Variants in SORCS1 observed in about 807,000 individuals in gnomAD.
SORCS1 encodes the protein VPS10 domain-containing receptor SorCS1.
SORCS1 carries 60 observed loss-of-function variants against 146.1 expected under a neutral mutation model. The ratio of observed to expected loss-of-function variants is 0.41; its 90% CI spans 0.33 to 0.51. SORCS1 has a LOEUF of 0.51. SORCS1 is among the 20% of genes least tolerant of loss of function. The pLI, the probability that SORCS1 is intolerant of heterozygous loss-of-function variation, is 0.21. For synonymous variants in SORCS1, 637 were observed against 584.0 expected (o/e 1.09, Z -1.31); for missense variants, 1,352 against 1,487.6 (o/e 0.91, Z 1.50).
At chr10:106,832,493 G>T (rs991400187) in intron 2 of SORCS1, among the ~76,000 whole-genome samples, 49 of 151,950 alleles carry the variant, frequency 3.2e-4, no homozygotes, top group African/African-American at 1.2e-3. Flanking sequence ...CCGGCCCCTA[G>T]TCCACTCTTG....
chr10:106,782,412 T>C (rs1007777520), intron 3 of SORCS1, among the ~76,000 whole-genome samples: 1 of 152,176 alleles, frequency 6.6e-6, no homozygotes. Context: ...TGAGCCACCA[T>C]GTAAGGCTGG....
intron 8 of SORCS1, among the ~76,000 whole-genome samples, chr10:106,703,520 T>C (rs1854283844): frequency 6.6e-6 from 1 of 152,236 alleles, no homozygotes; most frequent in Non-Finnish European, 1.5e-5. Flanking sequence ...GGCCACATGC[T>C]CTTAATGGCA....
At chr10:106,824,293 C>CA (rs71025559) in intron 3 of SORCS1, among the ~76,000 whole-genome samples, 3,942 of 104,628 alleles carry the variant, frequency 0.038, 73 homozygotes, top group South Asian at 0.081. Context: ...GACTCTATCT[C>CA]AAAAAAAAAA....
Position 106,960,705 on chromosome 10 carries a change from C to T in SORCS1, c.559-4125G>A, listed in dbSNP as rs1290147450. Among the ~76,000 whole-genome samples the T allele has an allele frequency of 6.6e-6, 1 of 152,084 alleles. No individual in the cohort carries two copies. Among genetic ancestry groups the T allele is most frequent in the Non-Finnish European group, 1.5e-5 (1 of 68,004 alleles). On this transcript the variant is annotated intron_variant, in intron 1 of 25. Coordinates refer to ENST00000263054, the MANE Select transcript of SORCS1 (RefSeq NM_052918.5). The surrounding 1 kb of genome is among the most constrained non-coding windows in gnomAD (Gnocchi z 4.4). Reference sequence around the variant, plus strand: ...CGTGAGCCACTGCGCCCAGCCAGTCCATACTTAGAGAGAGGATGCCAGTGC... The same window carrying T: ...CGTGAGCCACTGCGCCCAGCCAGTCTATACTTAGAGAGAGGATGCCAGTGC...
intron 6 of SORCS1, among the ~76,000 whole-genome samples, chr10:106,723,374 A>C (rs1855914218): frequency 6.8e-6 from 1 of 146,760 alleles, no homozygotes; most frequent in Non-Finnish European, 1.5e-5. Flanking sequence ...TTAGTATTTT[A>C]ATGTACTGGG....
rs1174745535 is a variant in SORCS1, at chr10:106,734,689, A to G, written c.960-4575T>C. On this transcript the variant is annotated intron_variant, in intron 5 of 25. Transcript: ENST00000263054. Reference sequence around the variant, plus strand: ...TGCCGTCACTTTTTTAGTCTTTAAAATAAGTTAACATAATTTTTTCTATAT... The same window carrying G: ...TGCCGTCACTTTTTTAGTCTTTAAAGTAAGTTAACATAATTTTTTCTATAT... Among the ~76,000 whole-genome samples, 3 of 152,344 alleles carry G rather than the reference A, an allele frequency of 2.0e-5. No homozygotes were observed. The South Asian group carries it at 6.2e-4, about 32-fold the overall frequency.
At chr10:107,163,270 A>G (rs1969842546) in intron 1 of SORCS1, among the ~76,000 whole-genome samples, 2 of 152,186 alleles carry the variant, frequency 1.3e-5, no homozygotes, top group Non-Finnish European at 2.9e-5. Flanking sequence ...TCACTGGGAT[A>G]TATCTGATCT....
intron 9 of SORCS1, among the ~76,000 whole-genome samples, chr10:106,695,290 C>T (rs1853612396): frequency 6.6e-6 from 1 of 152,202 alleles, no homozygotes; most frequent in Non-Finnish European, 1.5e-5. Context: ...ACTTCTGATT[C>T]TCTTTACATT....
chr10:107,091,153 A>G (rs1964154586), intron 1 of SORCS1, among the ~76,000 whole-genome samples: 1 of 152,228 alleles, frequency 6.6e-6, no homozygotes, highest in Admixed American at 6.5e-5. Flanking sequence ...TTTTGTCACA[A>G]ATCTCATCAC....
intron 1 of SORCS1, among the ~76,000 whole-genome samples, chr10:107,050,264 C>T (rs1019162984): frequency 4.6e-5 from 7 of 152,266 alleles, no homozygotes; most frequent in African/African-American, 1.7e-4. Context: ...TGGCAACTTA[C>T]TTTCTAGGGC....
chr10:106,952,368 T>A (rs183039037), intron 2 of SORCS1, among the ~76,000 whole-genome samples: 1 of 152,124 alleles, frequency 6.6e-6, no homozygotes, highest in Non-Finnish European at 1.5e-5. Flanking sequence ...AGCAAGGCTG[T>A]GCTAGACAAC....
chr10:106,679,980 G>T (rs1852315891), intron 10 of SORCS1, among the ~76,000 whole-genome samples: 1 of 152,042 alleles, frequency 6.6e-6, no homozygotes, highest in South Asian at 2.1e-4. Context: ...AATCTAATTT[G>T]GTCTTTGTCA....
intron 2 of SORCS1, among the ~76,000 whole-genome samples, chr10:106,893,332 A>ATCTGAAACATTTGTTTTGG (rs1951312060): frequency 1.3e-5 from 2 of 152,346 alleles, no homozygotes; most frequent in South Asian, 4.1e-4. Flanking sequence ...ATTTGTTTTG[A>ATCTGAAACATTTGTTTTGG]TCTAAAACAT....
intron 22 of SORCS1, 120 bp downstream of exon 22, chr10:106,611,791 T>C: frequency 1.4e-6 from 1 of 738,172 alleles, no homozygotes; most frequent in Non-Finnish European, 2.2e-6. Flanking sequence ...TCCCATGGGC[T>C]CTAGCTTCTT....
rs147999311 is a variant in SORCS1, at chr10:106,623,903, C to T, written c.2663-3342G>A. 1.2e-3 allele frequency among the ~76,000 whole-genome samples: 177 copies of T among 152,146 alleles called. 2 individuals are homozygous for T. In the East Asian group the frequency reaches 0.027, roughly 23 times the overall value. On this transcript the variant is annotated intron_variant, in intron 19 of 25. Transcript: ENST00000263054. ...TTCACCATGTTGGCCAGGCTGGTCT[C>T]GAACTCCTGACCTCAAGTGATCCAC...
At chr10:107,036,740 C>A in intron 1 of SORCS1, among the ~76,000 whole-genome samples, 1 of 152,216 alleles carries the variant, frequency 6.6e-6, no homozygotes, top group East Asian at 1.9e-4. Context: ...GCTTCCTTCT[C>A]ATCCTGCATC....
intron 6 of SORCS1, among the ~76,000 whole-genome samples, chr10:106,718,352 G>A (rs1160999844): frequency 2.0e-5 from 3 of 152,146 alleles, no homozygotes; most frequent in Non-Finnish European, 2.9e-5. Context: ...GTGGGTTCTT[G>A]GTCTTGCTGA....
the SORCS1 span, among the ~76,000 whole-genome samples, chr10:107,174,181 A>G: frequency 1.3e-5 from 2 of 152,072 alleles, no homozygotes; most frequent in Admixed American, 6.6e-5. Context: ...TAGTTTTCCA[A>G]TATGGAAATC....
intron 1 of SORCS1, among the ~76,000 whole-genome samples, chr10:106,987,984 C>G (rs1589859472): frequency 6.6e-6 from 1 of 152,292 alleles, no homozygotes; most frequent in East Asian, 1.9e-4. Flanking sequence ...CAGAAATATA[C>G]TGACCCTGTT....
Sources: allele counts gnomAD v4.1 joint callset (sites outside exome capture counted in the v4.1 genomes callset), GRCh38; gene constraint gnomAD v4.1.1; non-coding constraint Gnocchi (gnomAD v3.1); transcripts MANE v1.5; gene names NCBI Gene and HGNC (gene_info 2026-07-23, HGNC 2026-07-21).